PGPEP1L: variants seen among roughly 807,000 people sequenced by gnomAD.
PGPEP1L encodes the protein pyroglutamyl-peptidase I like, also known as pyroglutamyl-peptidase 1-like protein.
PGPEP1L carries 7 observed loss-of-function variants against 6.0 expected under a neutral mutation model. The ratio of observed to expected loss-of-function variants is 1.17; its 90% confidence interval spans 0.66 to 2.19. The LOEUF (loss-of-function observed/expected upper bound fraction) is 2.19, where lower values mean the gene tolerates loss of function less well. Ranked by LOEUF, PGPEP1L falls within the 30% of genes most tolerant of loss-of-function variation. The pLI is 0.00. For synonymous variants in PGPEP1L, 103 were observed against 83.9 expected (o/e 1.23, Z -1.24); for missense variants, 209 against 192.5 (o/e 1.09, Z -0.51).
intron 2 of PGPEP1L, among the ~76,000 whole-genome samples, chr15:98,972,355 A>AAAATAAATAAAT (rs34372599): frequency 1.1e-3 from 159 of 144,832 alleles, no homozygotes; most frequent in South Asian, 4.0e-3. Flanking sequence ...CTCCGTCTCA[A>AAAATAAATAAAT]AAATAAATAA....
chr15:99,001,497 G>T (rs1051557067), intron 2 of PGPEP1L, among the ~76,000 whole-genome samples: 4 of 152,150 alleles, frequency 2.6e-5, no homozygotes, highest in Non-Finnish European at 5.9e-5. Context: ...TGATGAATAT[G>T]TAACTTCGTG....
intron 2 of PGPEP1L, among the ~76,000 whole-genome samples, chr15:98,972,461 A>G (rs1399532077): frequency 6.6e-6 from 1 of 152,122 alleles, no homozygotes; most frequent in Non-Finnish European, 1.5e-5. Flanking sequence ...GTAAGAGAGG[A>G]AAAAAGGAAG....
At chr15:99,003,384 T>C (rs1313856000) in intron 2 of PGPEP1L, among the ~76,000 whole-genome samples, 2 of 151,150 alleles carry the variant, frequency 1.3e-5, no homozygotes, top group Non-Finnish European at 2.9e-5. Flanking sequence ...GGTTTGAAGC[T>C]CTTGTGTTTC....
intron 2 of PGPEP1L, among the ~76,000 whole-genome samples, chr15:99,004,790 T>C (rs2018025339): frequency 6.6e-6 from 1 of 152,072 alleles, no homozygotes; most frequent in Non-Finnish European, 1.5e-5. Context: ...GCTGACTTGG[T>C]GAGGCAAGTG....
chr15:99,001,495 ATG>A (rs1175062619), intron 2 of PGPEP1L, among the ~76,000 whole-genome samples: 3 of 152,174 alleles, frequency 2.0e-5, no homozygotes, highest in African/African-American at 4.8e-5. Context: ...AGTGATGAAT[ATG>A]TAACTTCGTG....
rs868958883 is a variant in PGPEP1L, at chr15:98,996,824, G to A, written c.-142+8605C>T. Among the ~76,000 whole-genome samples, 4 of 152,232 alleles carry A rather than the reference G, an allele frequency of 2.6e-5. No homozygotes were observed. The Middle Eastern group carries it at 0.014, about 518-fold the overall frequency. On this transcript the variant is annotated intron_variant, in intron 2 of 4. Transcript: ENST00000535714. ...CATCAGAGTCAGATCCTATTTGCCT[G>A]CAGCTAAGAACCTTGACTCATGGAA...
intron 2 of PGPEP1L, among the ~76,000 whole-genome samples, chr15:98,977,108 A>C (rs968392652): frequency 6.6e-6 from 1 of 151,764 alleles, no homozygotes; most frequent in African/African-American, 2.4e-5. Context: ...TTAAAAGTTA[A>C]TAGAAATGGT....
chr15:98,978,446 A>C (rs1158220987), intron 2 of PGPEP1L, among the ~76,000 whole-genome samples: 1 of 152,142 alleles, frequency 6.6e-6, no homozygotes, highest in Non-Finnish European at 1.5e-5. Context: ...TTGGAATCCC[A>C]GATTTGGCAT....
At chr15:98,993,969 C>T (rs952250875) in intron 2 of PGPEP1L, among the ~76,000 whole-genome samples, 26 of 152,174 alleles carry the variant, frequency 1.7e-4, no homozygotes, top group Middle Eastern at 6.8e-3. Flanking sequence ...ATACAAGGAC[C>T]TTAAAAAACA....
intron 2 of PGPEP1L, among the ~76,000 whole-genome samples, 158 bp downstream of exon 2, chr15:99,005,271 C>A (rs1303246830): frequency 6.6e-6 from 1 of 152,242 alleles, no homozygotes; most frequent in African/African-American, 2.4e-5. Flanking sequence ...TAGGGCACAG[C>A]AGCAAGTTCG....
intron 2 of PGPEP1L, among the ~76,000 whole-genome samples, chr15:99,001,677 A>G (rs370021524): frequency 6.8e-6 from 1 of 146,540 alleles, no homozygotes; most frequent in African/African-American, 2.6e-5. Flanking sequence ...TCAAAAGGAC[A>G]TGTACTGTAT....
At chr15:98,998,455 G>A (rs1555472680) in intron 2 of PGPEP1L, among the ~76,000 whole-genome samples, 6 of 152,208 alleles carry the variant, frequency 3.9e-5, no homozygotes, top group Non-Finnish European at 2.9e-5. Flanking sequence ...GTGCACAGAT[G>A]TCTGAATAAA....
At chr15:98,986,572 G>A (rs2017749959) in intron 2 of PGPEP1L, among the ~76,000 whole-genome samples, 1 of 152,228 alleles carries the variant, frequency 6.6e-6, no homozygotes, top group Admixed American at 6.5e-5. Context: ...ACATTCTTGA[G>A]TTCTGTAAGT....
intron 2 of PGPEP1L, among the ~76,000 whole-genome samples, chr15:98,995,868 C>T (rs1448326045): frequency 6.6e-6 from 1 of 152,180 alleles, no homozygotes; most frequent in Non-Finnish European, 1.5e-5. Context: ...CATTAATCCT[C>T]TTTTTGTCTC....
chr15:98,995,048 T>C (rs1331850157), intron 2 of PGPEP1L, among the ~76,000 whole-genome samples: 2 of 152,278 alleles, frequency 1.3e-5, no homozygotes, highest in Admixed American at 6.5e-5. Flanking sequence ...CCTTGCTTGG[T>C]CTATTTTGTG....
intron 2 of PGPEP1L, among the ~76,000 whole-genome samples, chr15:99,004,154 G>A (rs1454603241): frequency 2.0e-5 from 3 of 147,404 alleles, no homozygotes; most frequent in African/African-American, 5.1e-5. Flanking sequence ...TGTAATCCCT[G>A]CATTTTGGGA....
chr15:98,974,366 G>A (rs1474161210), intron 2 of PGPEP1L, among the ~76,000 whole-genome samples: 2 of 151,762 alleles, frequency 1.3e-5, no homozygotes, highest in African/African-American at 4.8e-5. Flanking sequence ...GTGACCGTGT[G>A]AGACCCTGTC....
intron 2 of PGPEP1L, among the ~76,000 whole-genome samples, chr15:98,995,192 A>G (rs781962031): frequency 4.6e-5 from 7 of 151,922 alleles, no homozygotes; most frequent in Non-Finnish European, 8.8e-5. Context: ...AGAACATCAC[A>G]TTTTATCGTC....
At chr15:98,969,339 A>C in intron 4 of PGPEP1L, 86 bp downstream of exon 4, 1 of 1,542,896 alleles carries the variant, frequency 6.5e-7, no homozygotes, top group Non-Finnish European at 8.9e-7. Flanking sequence ...TGGACGATAC[A>C]GGATGGCTTC....
Sources: allele counts gnomAD v4.1 joint callset (sites outside exome capture counted in the v4.1 genomes callset), GRCh38; gene constraint gnomAD v4.1.1; transcripts MANE v1.5; gene names NCBI Gene and HGNC (gene_info 2026-07-23, HGNC 2026-07-21).